The following ATG13 variants were observed in gnomAD, a reference collection of about 807,000 sequenced individuals.
ATG13 encodes autophagy related 13, also known as autophagy-related protein 13.
In ATG13, 23 loss-of-function variants were observed where a neutral mutation model predicts 65.5. The ratio of observed to expected loss-of-function variants is 0.35; its 90% CI spans 0.25 to 0.50. ATG13 has a LOEUF of 0.50. Among genes scored for constraint, ATG13 ranks in the 20% least tolerant of loss-of-function variants. The pLI, the probability that ATG13 is intolerant of heterozygous loss-of-function variation, is 0.98. For missense variants in ATG13, 566 were observed against 677.0 expected, an observed-to-expected ratio of 0.84 and a Z score of 1.82; for synonymous variants, 252 against 245.2, an observed-to-expected ratio of 1.03 and a Z score of -0.26.
chr11:46,672,259 C>A lies in ATG13; in HGVS notation c.1580C>A (p.Ser527Ter). The A allele has an allele frequency of 6.2e-7, 1 of 1,614,242 alleles. No individual in the cohort carries two copies. Among genetic ancestry groups the A allele is most frequent in the South Asian group, 1.1e-5 (1 of 91,088 alleles). Residue 527 changes from serine (S) to a stop codon, truncating the protein, a stop_gained, in exon 19 of 19, where the codon TCA (serine) becomes TAA (stop). Coordinates refer to ENST00000683050, the MANE Select transcript of ATG13 (RefSeq NM_001346311.2). LOFTEE classifies it high-confidence loss of function. The stretch of plus-strand genomic sequence containing the variant: ...TTCCCTCTCTTTCCGGTACAGGACT[C>A]ATTACCAGAGAAGCTGGCTGTGCAT... ...GAQSMAEDLD[S>*]LPEKLAVHEK...
At chr11:46,635,445 C>T (rs1171164530) in intron 2 of ATG13, among the ~76,000 whole-genome samples, 1 of 152,018 alleles carries the variant, frequency 6.6e-6, no homozygotes, top group African/African-American at 2.4e-5. Flanking sequence ...AGTTCAATAC[C>T]AACCTGGCCA....
chr11:46,671,622 T>C (rs2063749457), intron 18 of ATG13, among the ~76,000 whole-genome samples: 1 of 152,090 alleles, frequency 6.6e-6, no homozygotes. Flanking sequence ...CTCAGGAGGC[T>C]ACTCAAGCTA....
chr11:46,621,753 G>T (rs2047573849), intron 1 of ATG13, among the ~76,000 whole-genome samples: 2 of 151,964 alleles, frequency 1.3e-5, no homozygotes, highest in Admixed American at 6.6e-5. Flanking sequence ...TTTATGCAGG[G>T]TACAGGGCTT....
At chr11:46,646,296 A>G (rs2057519796) in intron 5 of ATG13, among the ~76,000 whole-genome samples, 1 of 151,644 alleles carries the variant, frequency 6.6e-6, no homozygotes, top group Admixed American at 6.6e-5. Flanking sequence ...TTACAGGTAC[A>G]TGCCACCATG....
chr11:46,620,056 A>G (rs1322091246), intron 1 of ATG13, among the ~76,000 whole-genome samples: 1 of 149,926 alleles, frequency 6.7e-6, no homozygotes, highest in Non-Finnish European at 1.5e-5. Context: ...TCCTCTGAGG[A>G]CCAATATAGG....
chr11:46,670,497 A>G (rs889166027), intron 18 of ATG13, among the ~76,000 whole-genome samples: 2 of 149,678 alleles, frequency 1.3e-5, no homozygotes, highest in African/African-American at 2.5e-5. Flanking sequence ...AAAAAAAAAA[A>G]GTAATAATTA....
chr11:46,656,770 T>G (rs1478486013), intron 8 of ATG13, among the ~76,000 whole-genome samples: 1 of 152,206 alleles, frequency 6.6e-6, no homozygotes, highest in Non-Finnish European at 1.5e-5. Context: ...GCAGGGCTGG[T>G]TAGTAGAACT....
chr11:46,633,004 A>T, intron 2 of ATG13, among the ~76,000 whole-genome samples: 1 of 86,308 alleles, frequency 1.2e-5, no homozygotes, highest in East Asian at 2.7e-4. Flanking sequence ...TTAAAAAAAA[A>T]TATATATATA....
At chr11:46,650,092 C>A in intron 6 of ATG13, 85 bp from the exon 7 acceptor site, 1 of 1,446,948 alleles carries the variant, frequency 6.9e-7, no homozygotes, top group South Asian at 1.3e-5. Context: ...TCTGGTTAGT[C>A]AGAACATGTC....
In ATG13 at chr11:46,668,845, C is replaced by T; in HGVS notation, c.1381C>T (p.His461Tyr). ...ETESPLQGSL[H>Y]SDGSSGGSSG... ...TGAATCTCCTCTCCAGGGCAGCCTGCACTCAGATGGCTCCAGCGGGGGCAG... is the reference window on the plus strand; with the variant it reads ...TGAATCTCCTCTCCAGGGCAGCCTGTACTCAGATGGCTCCAGCGGGGGCAG... Residue 461 changes from histidine (H) to tyrosine (Y), a missense_variant, in exon 17 of 19, where the codon CAC becomes TAC. Physicochemically the swap from His to Tyr is moderately conservative, Grantham distance 83. Around this residue, in one of 2 missense-constraint regions of ATG13, gnomAD observed 387 missense variants for 409.8 expected, o/e 0.94. Transcript: ENST00000683050. 6.2e-7 allele frequency: 1 copy of T among 1,614,056 alleles called. No individual in the cohort carries two copies. Among genetic ancestry groups the T allele is most frequent in the Non-Finnish European group, 8.5e-7 (1 of 1,180,034 alleles).
At chr11:46,644,649 A>G (rs1025093228) in intron 3 of ATG13, among the ~76,000 whole-genome samples, 3 of 152,032 alleles carry the variant, frequency 2.0e-5, no homozygotes, top group Non-Finnish European at 4.4e-5. Flanking sequence ...TTATTGGCAC[A>G]GTATGTTCCC....
intron 2 of ATG13, among the ~76,000 whole-genome samples, chr11:46,635,458 A>G (rs1385991594): frequency 6.6e-6 from 1 of 152,234 alleles, no homozygotes; most frequent in East Asian, 1.9e-4. Context: ...CCTGGCCAAC[A>G]TAGAGAGACC....
intron 7 of ATG13, among the ~76,000 whole-genome samples, chr11:46,654,956 A>G (rs2059722578): frequency 6.6e-6 from 1 of 152,016 alleles, no homozygotes; most frequent in Admixed American, 6.6e-5. Flanking sequence ...AAAATTAGCC[A>G]GGCATGGTAG....
In ATG13 at chr11:46,654,713, C is replaced by A. The variant is rs143207999; in HGVS notation, c.459-1520C>A. Reference sequence around the variant, plus strand: ...CTCCAGCATGGGCAACACACTGAGACCCTGTCTCAAAAAAAACAGTTGAGG... The same window carrying A: ...CTCCAGCATGGGCAACACACTGAGAACCTGTCTCAAAAAAAACAGTTGAGG... On this transcript the variant is annotated intron_variant, in intron 7 of 18. Coordinates refer to ENST00000683050, the MANE Select transcript of ATG13 (RefSeq NM_001346311.2). 2.4e-3 allele frequency among the ~76,000 whole-genome samples: 359 copies of A among 151,940 alleles called. 1 individual carries two copies. The highest frequency in any genetic ancestry group is 8.3e-3 in the African/African-American group (343 of 41,408).
Position 46,664,887 on chromosome 11 carries a change from G to C in ATG13, c.927G>C (p.Leu309=), listed in dbSNP as rs1371270459. 3.1e-6 allele frequency: 5 copies of C among 1,613,966 alleles called. No homozygotes were observed. Among genetic ancestry groups the C allele is most frequent in the Non-Finnish European group, 4.2e-6 (5 of 1,179,848 alleles). ...GCCTTTCCTATCAGCCTGCTGCCCT[G>C]GGCGTTGGATCAGCTGACCTGGCTT... ...SSRLSYQPAA[L]GVGSADLAYP... The change falls in exon 13 of 19, where the codon CTG becomes CTC. Residue 309 remains leucine (L), a synonymous_variant. Coordinates refer to ENST00000683050, the MANE Select transcript of ATG13 (RefSeq NM_001346311.2).
chr11:46,639,791 G>A (rs572800856), intron 2 of ATG13, among the ~76,000 whole-genome samples: 1 of 151,608 alleles, frequency 6.6e-6, no homozygotes, highest in South Asian at 2.1e-4. Flanking sequence ...GTTTCTCTGT[G>A]GGGGGGCCTT....
chr11:46,654,626 G>T (rs999409336), intron 7 of ATG13, among the ~76,000 whole-genome samples: 1 of 151,670 alleles, frequency 6.6e-6, no homozygotes, highest in South Asian at 2.1e-4. Context: ...GGAGACTGAG[G>T]TGAGAGGATC....
At chr11:46,654,498 A>T (rs1565551603) in intron 7 of ATG13, among the ~76,000 whole-genome samples, 1 of 151,286 alleles carries the variant, frequency 6.6e-6, no homozygotes, top group Non-Finnish European at 1.5e-5. Context: ...AGGTGGGAGG[A>T]TCGCTTGAGT....
chr11:46,660,353 C>T (rs2060885762), intron 11 of ATG13, among the ~76,000 whole-genome samples: 1 of 146,462 alleles, frequency 6.8e-6, no homozygotes, highest in South Asian at 2.2e-4. Context: ...AATTCATTAG[C>T]TGTCCATGTG....
Sources: gnomAD v4.1 joint callset for allele counts (sites outside exome capture counted in the v4.1 genomes callset) on GRCh38, gnomAD v4.1.1 for gene constraint, gnomAD v4.1.1 regional missense constraint, MANE v1.5 for transcripts, NCBI Gene and HGNC (gene_info 2026-07-23, HGNC 2026-07-21) for gene names.